KCNQ5: variants seen among roughly 807,000 people sequenced by gnomAD.
KCNQ5 encodes the protein potassium voltage-gated channel subfamily KQT member 5.
KCNQ5 carries 30 observed loss-of-function variants against 98.2 expected under a neutral mutation model. The observed-to-expected ratio is 0.31, with a 90% CI of 0.23 to 0.41. The LOEUF is 0.41. Ranked by LOEUF, KCNQ5 falls within the 10% of genes least tolerant of loss-of-function variation. KCNQ5 has a pLI of 1.00. For missense variants in KCNQ5, 835 were observed against 1,182.5 expected, an observed-to-expected ratio of 0.71 and a Z score of 4.31; for synonymous variants, 458 against 449.4, an observed-to-expected ratio of 1.02 and a Z score of -0.24.
rs533946720 is a variant in KCNQ5, at chr6:72,790,463, A to T, written c.398+167876A>T. Among the ~76,000 whole-genome samples, 23 of 152,314 alleles carry T rather than the reference A, an allele frequency of 1.5e-4. No individual in the cohort carries two copies. The South Asian group carries it at 4.4e-3, about 29-fold the overall frequency. On this transcript the variant is annotated intron_variant, in intron 1 of 13. Transcript: ENST00000370398. ...ACTAAAAAGTAAAACAATTGTACTCATGGAGATAGAGAATAAAAGGATAGT... is the reference window on the plus strand; with the variant it reads ...ACTAAAAAGTAAAACAATTGTACTCTTGGAGATAGAGAATAAAAGGATAGT...
At chr6:72,876,441 C>A (rs1778412563) in intron 1 of KCNQ5, among the ~76,000 whole-genome samples, 1 of 152,132 alleles carries the variant, frequency 6.6e-6, no homozygotes, top group Admixed American at 6.5e-5. Flanking sequence ...ACAATAAAAT[C>A]TTCCTAAGCA....
chr6:72,719,496 A>G (rs1273499008), intron 1 of KCNQ5, among the ~76,000 whole-genome samples: 2 of 152,228 alleles, frequency 1.3e-5, no homozygotes, highest in African/African-American at 4.8e-5. Flanking sequence ...ATGAGATGAT[A>G]TAGATATTTG....
intron 1 of KCNQ5, among the ~76,000 whole-genome samples, chr6:72,675,280 A>G (rs1767353221): frequency 6.6e-6 from 1 of 152,218 alleles, no homozygotes; most frequent in African/African-American, 2.4e-5. Context: ...ATTTGTTATC[A>G]AGTTAATTAT....
chr6:72,743,792 A>T (rs1771244588), intron 1 of KCNQ5, among the ~76,000 whole-genome samples: 1 of 152,218 alleles, frequency 6.6e-6, no homozygotes, highest in African/African-American at 2.4e-5. Flanking sequence ...TTTTTGGAGT[A>T]GTATTAACTG....
At chr6:73,075,686 G>T (rs1413302083) in intron 3 of KCNQ5, among the ~76,000 whole-genome samples, 1 of 152,150 alleles carries the variant, frequency 6.6e-6, no homozygotes, top group Non-Finnish European at 1.5e-5. Flanking sequence ...TGCCAAGAGT[G>T]GTAACTCTCT....
chr6:73,120,351 G>A, intron 7 of KCNQ5, 132 bp from the exon 8 acceptor site: 1 of 494,272 alleles, frequency 2.0e-6, no homozygotes, highest in East Asian at 3.3e-5. Flanking sequence ...TCCTCCTTTG[G>A]GTATTTATCA....
At chr6:72,996,760 T>C (rs948960127) in intron 1 of KCNQ5, among the ~76,000 whole-genome samples, 23 of 152,186 alleles carry the variant, frequency 1.5e-4, no homozygotes, top group Admixed American at 1.5e-3. Flanking sequence ...CACTGAAGAA[T>C]GAGAATGAGT....
At chr6:72,664,628 C>T (rs956062750) in intron 1 of KCNQ5, among the ~76,000 whole-genome samples, 2 of 151,924 alleles carry the variant, frequency 1.3e-5, no homozygotes, top group African/African-American at 4.8e-5. Context: ...TGCACTCCAG[C>T]CTGGGCAACA....
rs17749123 is a variant in KCNQ5, at chr6:72,638,987, C to T, written c.398+16400C>T. ...GAATCAAAATGTTCTTGGTTCCAAG[C>T]AAGTGTGACTGTGACCACGCAGAAG... On this transcript the variant is annotated intron_variant, in intron 1 of 13. Transcript: ENST00000370398. Among the ~76,000 whole-genome samples the T allele has an allele frequency of 3.9e-5, 6 of 152,252 alleles. No individual in the cohort carries two copies. In the South Asian group the frequency reaches 1.2e-3, roughly 32 times the overall value.
At position 72,622,330 on chromosome 6, in the gene KCNQ5, G is replaced by T; in HGVS notation, c.141G>T (p.Leu47=). Residue 47 remains leucine (L), a synonymous_variant, in exon 1 of 14, where the codon CTG becomes CTT. Coordinates refer to ENST00000370398, the MANE Select transcript of KCNQ5 (RefSeq NM_019842.4). This position sits in a 1 kb window ranked among gnomAD's most constrained non-coding sequence, Gnocchi z 6.0. ...TGGAGTCCGGCCGGGGCAGGGTGCT[G>T]CTGAACTCGGCAGCCGCCAGGGGCG... ...KDVESGRGRV[L]LNSAAARGDG... is the part of the protein sequence containing the mutation. The T allele has an allele frequency of 7.0e-7, 1 of 1,421,590 alleles. No homozygotes were observed. 88.1% of individuals were successfully genotyped at this position (1,421,590 alleles called of 1,614,324 possible). A position where few individuals can be genotyped will look rare whatever the true frequency, so the allele number is the denominator to read the frequency against.
intron 2 of KCNQ5, among the ~76,000 whole-genome samples, chr6:73,028,500 G>A (rs1429658283): frequency 6.6e-6 from 1 of 152,132 alleles, no homozygotes; most frequent in Non-Finnish European, 1.5e-5. Context: ...CTCTGACCCA[G>A]GCTGTAAATT....
At chr6:72,984,896 C>T (rs1171948625) in intron 1 of KCNQ5, among the ~76,000 whole-genome samples, 2 of 151,982 alleles carry the variant, frequency 1.3e-5, no homozygotes, top group Non-Finnish European at 2.9e-5. Flanking sequence ...AATTCGAAGC[C>T]CTGGAGAGGG....
At chr6:72,632,552 G>C (rs1225703277) in intron 1 of KCNQ5, among the ~76,000 whole-genome samples, 4 of 152,070 alleles carry the variant, frequency 2.6e-5, no homozygotes, top group African/African-American at 4.8e-5. Flanking sequence ...GTACCCAATT[G>C]TTAGTTTTTC....
intron 1 of KCNQ5, among the ~76,000 whole-genome samples, chr6:72,995,292 C>A (rs1205135290): frequency 6.7e-6 from 1 of 150,304 alleles, no homozygotes; most frequent in Non-Finnish European, 1.5e-5. Context: ...CGCTTGAACC[C>A]AGGAGGTGGA....
At position 72,890,335 on chromosome 6, in the gene KCNQ5, G is replaced by C. The variant is rs142739395; in HGVS notation, c.399-113573G>C. Among the ~76,000 whole-genome samples the C allele has an allele frequency of 6.8e-4, 103 of 150,936 alleles. 1 individual carries two copies. Among genetic ancestry groups the C allele is most frequent in the African/African-American group, 2.3e-3 (96 of 41,336 alleles). The stretch of plus-strand genomic sequence containing the variant: ...TCTATCCTCTTAACATACTTTAAAG[G>C]GTACGATGCCATATTGTTAACTATA... On this transcript the variant is annotated intron_variant, in intron 1 of 13. Coordinates refer to ENST00000370398, the MANE Select transcript of KCNQ5 (RefSeq NM_019842.4).
intron 8 of KCNQ5, among the ~76,000 whole-genome samples, chr6:73,123,829 TAAG>T (rs1317643503): frequency 5.3e-5 from 8 of 152,224 alleles, no homozygotes; most frequent in Non-Finnish European, 1.2e-4. Context: ...GATTTACTCA[TAAG>T]AAAACCAAAA....
rs1278071689 is a variant in KCNQ5, at chr6:73,133,516, C to T, written c.1343C>T (p.Pro448Leu). ...GCCTCAGTAGGTGACAGGAGGTCCC[C>T]AAGCACCGACATCACAGCCGAGGGC... ...RQASVGDRRS[P>L]STDITAEGSP... is the part of the protein sequence containing the mutation. The change falls in exon 10 of 14, where the codon CCA becomes CTA. Residue 448 changes from proline (P) to leucine (L), a missense_variant. Transcript: ENST00000370398. The T allele has an allele frequency of 5.6e-6, 9 of 1,614,052 alleles. No homozygotes were observed. The highest frequency in any genetic ancestry group is 7.6e-6 in the Non-Finnish European group (9 of 1,180,034).
At chr6:72,721,739 T>C (rs1445369491) in intron 1 of KCNQ5, among the ~76,000 whole-genome samples, 1 of 152,194 alleles carries the variant, frequency 6.6e-6, no homozygotes, top group Non-Finnish European at 1.5e-5. Context: ...TCCAGATTAC[T>C]TGACCAAAAA....
chr6:72,834,361 A>T (rs1776415021), intron 1 of KCNQ5, among the ~76,000 whole-genome samples: 1 of 152,164 alleles, frequency 6.6e-6, no homozygotes, highest in African/African-American at 2.4e-5. Context: ...TTCCCATTCC[A>T]GTAAGAGGTT....
Sources: gnomAD v4.1 joint callset for allele counts (sites outside exome capture counted in the v4.1 genomes callset) on GRCh38, gnomAD v4.1.1 for gene constraint, Gnocchi (gnomAD v3.1) non-coding constraint, MANE v1.5 for transcripts, NCBI Gene and HGNC (gene_info 2026-07-23, HGNC 2026-07-21) for gene names.